The following CDK14 variants were observed in gnomAD, a reference collection of about 807,000 sequenced individuals.
The protein encoded by CDK14 is cyclin-dependent kinase 14.
A neutral mutation model predicts 60.7 loss-of-function variants in CDK14; 34 were observed. The ratio of observed to expected loss-of-function variants is 0.56; its 90% CI spans 0.43 to 0.75. The LOEUF is 0.75. Ranked by LOEUF, CDK14 falls within the 30% of genes least tolerant of loss-of-function variation. The probability of loss-of-function intolerance (pLI) is 0.00; values close to 1 mark genes in which losing one functional copy is unlikely to be tolerated. For missense variants in CDK14, 482 were observed against 564.1 expected (o/e 0.85, Z 1.47); for synonymous variants, 197 against 203.7 (o/e 0.97, Z 0.28).
chr7:90,825,553 T>C (rs1219938493), intron 5 of CDK14, among the ~76,000 whole-genome samples: 1 of 152,212 alleles, frequency 6.6e-6, no homozygotes, highest in Non-Finnish European at 1.5e-5. Flanking sequence ...TTGCCTGCCT[T>C]GCTGTGGTAT....
intron 10 of CDK14, among the ~76,000 whole-genome samples, chr7:90,987,642 AC>A (rs755385836): frequency 3.9e-5 from 6 of 152,100 alleles, no homozygotes; most frequent in Non-Finnish European, 8.8e-5. Flanking sequence ...CTATATTATC[AC>A]ACAAGTAGAC....
In CDK14 at chr7:90,891,493, T is replaced by C. The variant is rs560213027; in HGVS notation, c.640-7798T>C. On this transcript the variant is annotated intron_variant, in intron 6 of 14. Coordinates refer to ENST00000380050, the MANE Select transcript of CDK14 (RefSeq NM_001287135.2). ...AATTATTTTTTGTAGTCTTTCTGTATCCTTATGCCAGTGAAACTATTTTCA... is the reference window on the plus strand; with the variant it reads ...AATTATTTTTTGTAGTCTTTCTGTACCCTTATGCCAGTGAAACTATTTTCA... Among the ~76,000 whole-genome samples, 3 of 152,366 alleles carry C rather than the reference T, an allele frequency of 2.0e-5. No homozygotes were observed. The East Asian group carries it at 5.8e-4, about 29-fold the overall frequency.
At chr7:91,068,059 A>T (rs907356831) in intron 11 of CDK14, among the ~76,000 whole-genome samples, 1 of 152,196 alleles carries the variant, frequency 6.6e-6, no homozygotes, top group Non-Finnish European at 1.5e-5. Flanking sequence ...ATAATTTTTT[A>T]AAAAAGAACT....
At chr7:91,201,993 G>A (rs1162306154) in intron 14 of CDK14, among the ~76,000 whole-genome samples, 5 of 152,100 alleles carry the variant, frequency 3.3e-5, no homozygotes, top group Non-Finnish European at 5.9e-5. Flanking sequence ...AGTTGGTGGC[G>A]GGTATGAGAT....
intron 14 of CDK14, among the ~76,000 whole-genome samples, chr7:91,170,566 A>C (rs1801483789): frequency 6.6e-6 from 1 of 152,188 alleles, no homozygotes; most frequent in South Asian, 2.1e-4. Flanking sequence ...AATTATTTTT[A>C]AAGTGGAGAG....
At chr7:90,989,309 T>C (rs939687886) in intron 10 of CDK14, among the ~76,000 whole-genome samples, 1 of 152,194 alleles carries the variant, frequency 6.6e-6, no homozygotes, top group Non-Finnish European at 1.5e-5. Flanking sequence ...GGATGTATTA[T>C]AACAGCCACA....
At chr7:91,177,565 T>C (rs1056504594) in intron 14 of CDK14, among the ~76,000 whole-genome samples, 5 of 152,220 alleles carry the variant, frequency 3.3e-5, no homozygotes, top group East Asian at 1.9e-4. Flanking sequence ...AAAACCCCAT[T>C]GTCTCAGCCC....
intron 2 of CDK14, among the ~76,000 whole-genome samples, chr7:90,621,204 G>A (rs572784347): frequency 5.6e-4 from 86 of 152,288 alleles, no homozygotes; most frequent in African/African-American, 1.9e-3. Context: ...CTCGTTTTTG[G>A]GTTGGTGCCT....
intron 14 of CDK14, among the ~76,000 whole-genome samples, chr7:91,126,198 A>C (rs1188378445): frequency 6.6e-6 from 1 of 152,176 alleles, no homozygotes; most frequent in Non-Finnish European, 1.5e-5. Flanking sequence ...CTAAGTTTAA[A>C]TATAATTAAA....
At chr7:90,606,722 G>C (rs1396873729) in intron 2 of CDK14, among the ~76,000 whole-genome samples, 1 of 152,184 alleles carries the variant, frequency 6.6e-6, no homozygotes, top group Admixed American at 6.5e-5. Flanking sequence ...TTTAATCCCT[G>C]AGTGTGTTGC....
chr7:91,004,728 G>A (rs914403144), intron 10 of CDK14, among the ~76,000 whole-genome samples: 3 of 152,164 alleles, frequency 2.0e-5, no homozygotes, highest in Non-Finnish European at 4.4e-5. Context: ...TTAATGAATA[G>A]CACTGAGGCC....
intron 5 of CDK14, among the ~76,000 whole-genome samples, chr7:90,849,370 C>G (rs1790569542): frequency 6.6e-6 from 1 of 152,032 alleles, no homozygotes; most frequent in African/African-American, 2.4e-5. Context: ...AATTGTGAAC[C>G]ACATAAACCT....
chr7:91,081,856 AAAG>A (rs577920754), intron 12 of CDK14, among the ~76,000 whole-genome samples: 192 of 152,204 alleles, frequency 1.3e-3, no homozygotes, highest in South Asian at 5.6e-3. Context: ...AGAATAATAG[AAAG>A]AAGAAATCTT....
intron 6 of CDK14, among the ~76,000 whole-genome samples, chr7:90,885,890 A>G (rs1017003762): frequency 2.6e-5 from 4 of 152,132 alleles, no homozygotes; most frequent in Non-Finnish European, 5.9e-5. Flanking sequence ...AGAAGAACAA[A>G]ACACACCAGG....
intron 12 of CDK14, among the ~76,000 whole-genome samples, chr7:91,099,933 A>G (rs1194188337): frequency 6.6e-6 from 1 of 152,096 alleles, no homozygotes; most frequent in East Asian, 1.9e-4. Flanking sequence ...CCTTATTCTG[A>G]TTATAAAGGT....
chr7:90,910,310 C>A (rs1792852035), intron 7 of CDK14, among the ~76,000 whole-genome samples: 1 of 152,222 alleles, frequency 6.6e-6, no homozygotes, highest in South Asian at 2.1e-4. Context: ...TTTTGAAACT[C>A]AACTAAATGG....
chr7:91,041,187 T>G (rs1290839715), intron 10 of CDK14, among the ~76,000 whole-genome samples: 2 of 151,816 alleles, frequency 1.3e-5, no homozygotes, highest in Admixed American at 1.3e-4. Context: ...TTTTTTTTTT[T>G]TTTTAACAGA....
chr7:90,709,003 T>G (rs1801966755), intron 2 of CDK14, among the ~76,000 whole-genome samples: 2 of 152,124 alleles, frequency 1.3e-5, no homozygotes, highest in South Asian at 4.1e-4. Flanking sequence ...TGGCATGACT[T>G]GGCACAATTT....
chr7:90,709,242 G>A (rs910950695), intron 2 of CDK14: 34 of 389,804 alleles, frequency 8.7e-5, no homozygotes, highest in African/African-American at 6.3e-5. Context: ...ATATATACAC[G>A]TAGACACCAT....
Sources: gnomAD v4.1 joint callset for allele counts (sites outside exome capture counted in the v4.1 genomes callset) on GRCh38, gnomAD v4.1.1 for gene constraint, MANE v1.5 for transcripts, NCBI Gene and HGNC (gene_info 2026-07-23, HGNC 2026-07-21) for gene names.